The following CBFA2T3 variants were observed in gnomAD, a reference collection of about 807,000 sequenced individuals.
CBFA2T3 encodes the protein transcriptional corepressor CBFA2T3.
CBFA2T3 carries 31 observed loss-of-function variants against 58.6 expected under a neutral mutation model. That is an observed-to-expected ratio of 0.53 (90% CI 0.40 to 0.71). The LOEUF (loss-of-function observed/expected upper bound fraction) is 0.71, where lower values mean the gene tolerates loss of function less well. Among genes scored for constraint, CBFA2T3 ranks in the 30% least tolerant of loss-of-function variants. The probability of loss-of-function intolerance (pLI) is 0.00; values close to 1 mark genes in which losing one functional copy is unlikely to be tolerated. For missense variants in CBFA2T3, 1,076 were observed against 963.1 expected (o/e 1.12, Z -1.55); for synonymous variants, 531 against 421.9 (o/e 1.26, Z -3.17).
At chr16:88,919,556 C>A (rs1349620175) in intron 1 of CBFA2T3, among the ~76,000 whole-genome samples, 1 of 152,228 alleles carries the variant, frequency 6.6e-6, no homozygotes, top group African/African-American at 2.4e-5. Flanking sequence ...AAGCTCAGTG[C>A]CCATGGCCAT....
chr16:88,965,549 CAG>C (rs1306395165), intron 1 of CBFA2T3, among the ~76,000 whole-genome samples: 1 of 152,230 alleles, frequency 6.6e-6, no homozygotes, highest in Non-Finnish European at 1.5e-5. Context: ...CCCTGCGGGG[CAG>C]AGAGTTTGCA....
At chr16:88,919,532 G>A (rs1189549556) in intron 1 of CBFA2T3, among the ~76,000 whole-genome samples, 1 of 152,212 alleles carries the variant, frequency 6.6e-6, no homozygotes, top group Admixed American at 6.5e-5. Flanking sequence ...TATTCACTCA[G>A]CCTTACGGGT....
At chr16:88,936,956 C>T (rs543898127) in intron 1 of CBFA2T3, 3 of 152,348 alleles carry the variant, frequency 2.0e-5, no homozygotes, top group African/African-American at 7.2e-5. Context: ...GCCCAACTGC[C>T]AGGTCTCCGC....
chr16:88,962,625 C>T (rs556455976), intron 1 of CBFA2T3, among the ~76,000 whole-genome samples: 3 of 152,222 alleles, frequency 2.0e-5, no homozygotes, highest in Non-Finnish European at 4.4e-5. Flanking sequence ...AACACAGATG[C>T]CGAGTCCCCT....
At chr16:88,919,703 T>C (rs751162220) in intron 1 of CBFA2T3, among the ~76,000 whole-genome samples, 1 of 152,196 alleles carries the variant, frequency 6.6e-6, no homozygotes, top group Non-Finnish European at 1.5e-5. Flanking sequence ...TCTGAGCACG[T>C]GCAGTCTGGT....
At chr16:88,893,765 C>T (rs1225645081) in intron 3 of CBFA2T3, among the ~76,000 whole-genome samples, 4 of 152,220 alleles carry the variant, frequency 2.6e-5, no homozygotes, top group African/African-American at 9.6e-5. Flanking sequence ...AGTCCCAGGG[C>T]CGGGCCTCAC....
Position 88,941,377 on chromosome 16 carries a change from G to GCTCCGC in CBFA2T3, c.151+35274_151+35279dup, listed in dbSNP as rs1381740861. 2.6e-3 allele frequency among the ~76,000 whole-genome samples: 371 copies of GCTCCGC among 144,860 alleles called. 2 individuals carry two copies. Among genetic ancestry groups the GCTCCGC allele is most frequent in the African/African-American group, 9.1e-3 (368 of 40,232 alleles). On this transcript the variant is annotated intron_variant, in intron 1 of 11. Coordinates refer to ENST00000268679, the MANE Select transcript of CBFA2T3 (RefSeq NM_005187.6). ...GGGCCCCGCGGCCCCCGCCCCGCGC[G>GCTCCGC]CTCCGCCTCCGCCTCCTGCCCCCCG... is the stretch of plus-strand genomic sequence containing the variant.
At chr16:88,931,879 T>C (rs1437507535) in intron 1 of CBFA2T3, among the ~76,000 whole-genome samples, 2 of 151,852 alleles carry the variant, frequency 1.3e-5, no homozygotes, top group Non-Finnish European at 2.9e-5. Context: ...GGAGGAGGGT[T>C]TGGGGAGGGT....
At chr16:88,920,528 G>T (rs1369747085) in intron 1 of CBFA2T3, among the ~76,000 whole-genome samples, 1 of 150,364 alleles carries the variant, frequency 6.7e-6, no homozygotes, top group Non-Finnish European at 1.5e-5. Context: ...CAAGTGATCC[G>T]CCCACCTCGG....
chr16:88,959,099 C>G (rs1201382738), intron 1 of CBFA2T3, among the ~76,000 whole-genome samples: 1 of 152,212 alleles, frequency 6.6e-6, no homozygotes, highest in Non-Finnish European at 1.5e-5. Flanking sequence ...AAGGTCCCAG[C>G]AGCTGGAGGG....
In CBFA2T3 at chr16:88,896,646, G is replaced by C. The variant is rs113723747; in HGVS notation, c.379+1432C>G. 4.0e-3 allele frequency among the ~76,000 whole-genome samples: 606 copies of C among 152,328 alleles called. 1 individual carries two copies. Among genetic ancestry groups the C allele is most frequent in the African/African-American group, 0.014 (564 of 41,578 alleles). ...CACTTGCGGTCACCCAGCCAGGCCA[G>C]GAGATGGCCCGTCACCATGGGAGAC... On this transcript the variant is annotated intron_variant, in intron 3 of 11. Transcript: ENST00000268679.
intron 1 of CBFA2T3, chr16:88,937,001 T>A (rs1971523900): frequency 6.6e-6 from 1 of 152,228 alleles, no homozygotes; most frequent in African/African-American, 2.4e-5. Flanking sequence ...AAGGGCGGTT[T>A]CCACTCCAGG....
intron 1 of CBFA2T3, among the ~76,000 whole-genome samples, chr16:88,963,749 C>T (rs1200319282): frequency 2.6e-5 from 4 of 152,254 alleles, no homozygotes; most frequent in South Asian, 2.1e-4. Context: ...GCTCAGCTGA[C>T]ACTTCGTGAG....
chr16:88,934,795 A>G (rs1567618903), intron 1 of CBFA2T3, among the ~76,000 whole-genome samples: 1 of 152,060 alleles, frequency 6.6e-6, no homozygotes, highest in Admixed American at 6.5e-5. Context: ...GCTGGAGTGC[A>G]GTGGCGCGAT....
At chr16:88,951,566 A>T in intron 1 of CBFA2T3, 1 of 364,808 alleles carries the variant, frequency 2.7e-6, no homozygotes, top group East Asian at 7.2e-5. Flanking sequence ...GGTTGCTGCC[A>T]TTCCCTCCCC....
intron 1 of CBFA2T3, among the ~76,000 whole-genome samples, chr16:88,961,461 ACAGT>A (rs1972353887): frequency 1.4e-5 from 2 of 147,750 alleles, no homozygotes; most frequent in Admixed American, 6.7e-5. Context: ...ATAGTAACCG[ACAGT>A]CAGCGCTGGG....
chr16:88,961,416 T>C (rs564806825), intron 1 of CBFA2T3, among the ~76,000 whole-genome samples: 1 of 150,362 alleles, frequency 6.7e-6, no homozygotes, highest in Admixed American at 6.6e-5. Context: ...TCCCACTCCA[T>C]AGTAACCGAC....
At chr16:88,893,952 G>T (rs1283358503) in intron 3 of CBFA2T3, among the ~76,000 whole-genome samples, 2 of 152,184 alleles carry the variant, frequency 1.3e-5, no homozygotes, top group Non-Finnish European at 2.9e-5. Context: ...GCTGACAGGG[G>T]AGGGGGACTG....
chr16:88,930,984 C>T (rs1052555108), intron 1 of CBFA2T3, among the ~76,000 whole-genome samples: 8 of 151,970 alleles, frequency 5.3e-5, no homozygotes, highest in Admixed American at 1.3e-4. Flanking sequence ...GACACTATAA[C>T]TCCACGATGC....
Sources: allele counts gnomAD v4.1 joint callset (sites outside exome capture counted in the v4.1 genomes callset), GRCh38; gene constraint gnomAD v4.1.1; transcripts MANE v1.5; gene names NCBI Gene and HGNC (gene_info 2026-07-23, HGNC 2026-07-21).